Variants in WASF3 observed in about 807,000 individuals in gnomAD.
WASF3 encodes actin-binding protein WASF3.
WASF3 carries 11 observed loss-of-function variants against 46.6 expected under a neutral mutation model. That is an observed-to-expected ratio of 0.24 (90% CI 0.15 to 0.39). The LOEUF (loss-of-function observed/expected upper bound fraction) is 0.39, where lower values mean the gene tolerates loss of function less well. Ranked by LOEUF, WASF3 falls within the 10% of genes least tolerant of loss-of-function variation. The pLI is 1.00. For synonymous variants in WASF3, 242 were observed against 259.7 expected, an observed-to-expected ratio of 0.93 and a Z score of 0.65; for missense variants, 576 against 669.8, an observed-to-expected ratio of 0.86 and a Z score of 1.55.
At chr13:26,640,306 G>A (rs1193549037) in intron 2 of WASF3, 1 of 152,052 alleles carries the variant, frequency 6.6e-6, no homozygotes, top group Non-Finnish European at 1.5e-5. Context: ...GGATTTTCTA[G>A]TATTGTATGA....
chr13:26,649,911 AAAT>A (rs142764164), intron 3 of WASF3, among the ~76,000 whole-genome samples: 2,973 of 152,136 alleles, frequency 0.02, 97 homozygotes, highest in African/African-American at 0.068. Flanking sequence ...CTCTCTAAAA[AAAT>A]ACAAAAATTA....
intron 2 of WASF3, among the ~76,000 whole-genome samples, chr13:26,619,953 A>G (rs1881253369): frequency 6.6e-6 from 1 of 152,174 alleles, no homozygotes; most frequent in South Asian, 2.1e-4. Context: ...GAAATGAAGT[A>G]GCCTTGGCTT....
chr13:26,586,846 AT>A (rs1293045913), intron 1 of WASF3, among the ~76,000 whole-genome samples: 1 of 152,076 alleles, frequency 6.6e-6, no homozygotes, highest in African/African-American at 2.4e-5. Flanking sequence ...TGTACTGACA[AT>A]TTTTTTGGTT....
intron 2 of WASF3, among the ~76,000 whole-genome samples, chr13:26,622,175 A>G (rs1310958412): frequency 6.6e-6 from 1 of 152,188 alleles, no homozygotes; most frequent in Admixed American, 6.5e-5. Context: ...GCATGCAGCA[A>G]TCAGAGCAAA....
At chr13:26,539,602 G>A in the WASF3 span, among the ~76,000 whole-genome samples, 3 of 152,130 alleles carry the variant, frequency 2.0e-5, no homozygotes, top group East Asian at 5.8e-4. Context: ...ATTGTCCCAG[G>A]TGATTTATAG....
At chr13:26,667,353 G>C (rs1271485359) in intron 4 of WASF3, among the ~76,000 whole-genome samples, 164 bp from the exon 5 acceptor site, 1 of 152,066 alleles carries the variant, frequency 6.6e-6, no homozygotes, top group African/African-American at 2.4e-5. Flanking sequence ...ATCTGTGAAA[G>C]GAAAGGAATG....
upstream of WASF3, among the ~76,000 whole-genome samples, chr13:26,554,088 C>CTTTCTTTCTT (rs1289008259): frequency 7.2e-5 from 2 of 27,674 alleles, no homozygotes; most frequent in Non-Finnish European, 1.4e-4. Flanking sequence ...TCCTTCCTTC[C>CTTTCTTTCTT]TTCCTTCCTT....
intron 1 of WASF3, among the ~76,000 whole-genome samples, chr13:26,583,518 C>CCCA (rs1165758526): frequency 6.6e-6 from 1 of 152,046 alleles, no homozygotes; most frequent in Non-Finnish European, 1.5e-5. Flanking sequence ...GCTCCTTAAG[C>CCCA]CCAAGTAGGA....
At chr13:26,676,785 T>TTTC in intron 7 of WASF3, 61 bp downstream of exon 7, 1 of 1,489,942 alleles carries the variant, frequency 6.7e-7, no homozygotes, top group Middle Eastern at 1.8e-4. Flanking sequence ...CTACCTGGTT[T>TTTC]TATTATCATT....
At chr13:26,554,088 CTTCCTTCCTTCTTTCT>C (rs1368560291), upstream of WASF3, among the ~76,000 whole-genome samples, 100 of 27,618 alleles carry the variant, frequency 3.6e-3, no homozygotes, top group African/African-American at 0.012. Flanking sequence ...TCCTTCCTTC[CTTCCTTCCTTCTTTCT>C]TTCTTTCTTT....
Position 26,669,111 on chromosome 13 carries a change from TGTA to T in WASF3, c.422+1444_422+1446del, listed in dbSNP as rs563475449. 4.5e-3 allele frequency among the ~76,000 whole-genome samples: 682 copies of T among 152,242 alleles called. 4 individuals are homozygous for T. Among genetic ancestry groups the T allele is most frequent in the Non-Finnish European group, 7.2e-3 (489 of 68,012 alleles). ...TAAAATATTTGTAGTGATTTATAGT[TGTA>T]GTGATTTATAGTATGAAAACTGATT... On this transcript the variant is annotated intron_variant, in intron 5 of 9. Coordinates refer to ENST00000335327, the MANE Select transcript of WASF3 (RefSeq NM_006646.6).
At chr13:26,632,097 A>G (rs1593159339) in intron 2 of WASF3, among the ~76,000 whole-genome samples, 1 of 152,204 alleles carries the variant, frequency 6.6e-6, no homozygotes, top group South Asian at 2.1e-4. Context: ...TTTTCTAAAT[A>G]TACAATCATG....
chr13:26,610,252 T>C (rs1447822139), intron 1 of WASF3, among the ~76,000 whole-genome samples: 1 of 152,240 alleles, frequency 6.6e-6, no homozygotes, highest in Non-Finnish European at 1.5e-5. Context: ...TTCTGAATTA[T>C]GGCTTAAATT....
chr13:26,604,780 T>G (rs976823178), intron 1 of WASF3, among the ~76,000 whole-genome samples: 1 of 152,210 alleles, frequency 6.6e-6, no homozygotes. Context: ...GGGTTGGATT[T>G]GTTTCAAGGT....
chr13:26,614,195 T>C (rs879511094), intron 2 of WASF3, among the ~76,000 whole-genome samples: 16 of 152,326 alleles, frequency 1.1e-4, no homozygotes, highest in Admixed American at 1.0e-3. Context: ...GCTGGAAGAT[T>C]GATCTCTAAT....
intron 1 of WASF3, among the ~76,000 whole-genome samples, chr13:26,561,198 T>C (rs953420269): frequency 2.0e-5 from 3 of 152,148 alleles, no homozygotes; most frequent in Admixed American, 6.5e-5. Context: ...CAACAGGAAA[T>C]GGTTGAAGAA....
intron 2 of WASF3, among the ~76,000 whole-genome samples, chr13:26,629,098 C>T (rs1208320628): frequency 6.6e-6 from 1 of 152,242 alleles, no homozygotes; most frequent in Non-Finnish European, 1.5e-5. Flanking sequence ...ACGTCCTTCA[C>T]TGTAAAGTGG....
intron 1 of WASF3, among the ~76,000 whole-genome samples, chr13:26,580,742 C>T (rs1239090086): frequency 6.6e-6 from 1 of 151,540 alleles, no homozygotes; most frequent in Non-Finnish European, 1.5e-5. Flanking sequence ...TCTTCTGCCT[C>T]AGCCTCCCGA....
rs540150349 is a variant in WASF3 at position 26,619,512 on chromosome 13, T to G, written c.-11+6454T>G. On this transcript the variant is annotated intron_variant, in intron 2 of 9. Coordinates refer to ENST00000335327, the MANE Select transcript of WASF3 (RefSeq NM_006646.6). Reference sequence around the variant, plus strand: ...GATGCGGATGGATCACATCCTTGGCTGGGGAAGTGGGGTGGATACAAATAT... The same window carrying G: ...GATGCGGATGGATCACATCCTTGGCGGGGGAAGTGGGGTGGATACAAATAT... The G allele has an allele frequency of 3.3e-5, 5 of 152,314 alleles. No homozygotes were observed. In the East Asian group the frequency reaches 9.7e-4, roughly 29 times the overall value. The allele number at this position is 152,314 out of a possible 1,614,324, so 9.4% of individuals were successfully genotyped here.
Sources: gnomAD v4.1 joint callset for allele counts (sites outside exome capture counted in the v4.1 genomes callset) on GRCh38, gnomAD v4.1.1 for gene constraint, MANE v1.5 for transcripts, NCBI Gene and HGNC (gene_info 2026-07-23, HGNC 2026-07-21) for gene names.